The following LTBP1 variants were observed in gnomAD, a reference collection of about 807,000 sequenced individuals.
LTBP1 encodes the protein latent transforming growth factor beta binding protein 1.
A neutral mutation model predicts 207.6 loss-of-function variants in LTBP1; 129 were observed. That is an observed-to-expected ratio of 0.62 (90% CI 0.54 to 0.72). The LOEUF (loss-of-function observed/expected upper bound fraction) is 0.72, where lower values mean the gene tolerates loss of function less well. Among genes scored for constraint, LTBP1 ranks in the 30% least tolerant of loss-of-function variants. The pLI, the probability that LTBP1 is intolerant of heterozygous loss-of-function variation, is 0.00. For synonymous variants in LTBP1, 963 were observed against 833.7 expected, an observed-to-expected ratio of 1.16 and a Z score of -2.67; for missense variants, 2,281 against 2,217.2, an observed-to-expected ratio of 1.03 and a Z score of -0.58.
chr2:33,006,031 T>C, intron 2 of LTBP1, among the ~76,000 whole-genome samples: 1 of 152,140 alleles, frequency 6.6e-6, no homozygotes. Flanking sequence ...CAGAAGCCTG[T>C]CCCTAATCAT....
chr2:32,974,916 C>A (rs941484989), intron 2 of LTBP1, among the ~76,000 whole-genome samples: 1 of 152,136 alleles, frequency 6.6e-6, no homozygotes, highest in Non-Finnish European at 1.5e-5. Flanking sequence ...GATCCTGTCA[C>A]CATGTTGTTA....
chr2:33,397,506 C>CATT (rs2095369516), intron 33 of LTBP1, among the ~76,000 whole-genome samples: 1 of 112,116 alleles, frequency 8.9e-6, no homozygotes, highest in Non-Finnish European at 1.7e-5. Context: ...TACCACAATT[C>CATT]TTTTTTTTTT....
intron 4 of LTBP1, among the ~76,000 whole-genome samples, chr2:33,128,801 C>T (rs541893741): frequency 6.6e-6 from 1 of 152,304 alleles, no homozygotes; most frequent in African/African-American, 2.4e-5. Context: ...CTCTTGCTCC[C>T]CCTTTCTTTT....
intron 5 of LTBP1, among the ~76,000 whole-genome samples, chr2:33,185,053 C>T (rs1205085751): frequency 1.3e-5 from 2 of 152,130 alleles, no homozygotes; most frequent in African/African-American, 4.8e-5. Flanking sequence ...ATGTAGGAAT[C>T]AGGTAGTTGA....
intron 22 of LTBP1, among the ~76,000 whole-genome samples, chr2:33,307,481 A>C (rs758687936): frequency 1.3e-5 from 2 of 152,216 alleles, no homozygotes; most frequent in Non-Finnish European, 2.9e-5. Flanking sequence ...ACTGATACAC[A>C]CAGCAACTTG....
At chr2:33,175,574 A>C (rs1572986143) in intron 5 of LTBP1, among the ~76,000 whole-genome samples, 1 of 152,340 alleles carries the variant, frequency 6.6e-6, no homozygotes, top group East Asian at 1.9e-4. Flanking sequence ...AACTAGTTCA[A>C]CCATTGTGGA....
At chr2:33,305,326 A>T (rs561876817) in intron 22 of LTBP1, among the ~76,000 whole-genome samples, 1 of 151,950 alleles carries the variant, frequency 6.6e-6, no homozygotes, top group South Asian at 2.1e-4. Flanking sequence ...TATGTCTCAA[A>T]ATATATATAT....
chr2:33,010,721 C>CTT lies in LTBP1; in HGVS notation c.566-10172_566-10171dup, dbSNP rs1256189915. ...TGTATCACATTCTAGGATTTTAATC[C>CTT]TTTTTTTTTTTTTTTTTGAGATGGA... is the stretch of plus-strand genomic sequence containing the variant. On this transcript the variant is annotated intron_variant, in intron 2 of 33. Transcript: ENST00000404816. Among the ~76,000 whole-genome samples the CTT allele has an allele frequency of 1.9e-3, 258 of 134,816 alleles. 3 individuals carry two copies. Among genetic ancestry groups the CTT allele is most frequent in the African/African-American group, 5.4e-3 (195 of 36,304 alleles). The allele number at this position is 134,816 out of a possible 152,430, so 88.4% of individuals were successfully genotyped here. A position where few individuals can be genotyped will look rare whatever the true frequency, so the allele number is the denominator to read the frequency against.
rs1364248589 is a variant in LTBP1, at chr2:33,359,209, CT to C, written c.4001-1387del. ...CAACTGGATGAGGGATCTTTATATT[CT>C]CACTGATGCTCTGTGTTCTGAGAGG... On this transcript the variant is annotated intron_variant, in intron 26 of 33. Coordinates refer to ENST00000404816, the MANE Select transcript of LTBP1 (RefSeq NM_206943.4). Among the ~76,000 whole-genome samples, 6 of 152,276 alleles carry C rather than the reference CT, an allele frequency of 3.9e-5. No individual in the cohort carries two copies. The East Asian group carries it at 1.2e-3, about 29-fold the overall frequency.
intron 9 of LTBP1, among the ~76,000 whole-genome samples, chr2:33,225,444 A>G (rs531892429): frequency 6.6e-6 from 1 of 152,334 alleles, no homozygotes; most frequent in Admixed American, 6.5e-5. Context: ...GGGAAGCCTC[A>G]CAATCATGGT....
intron 5 of LTBP1, among the ~76,000 whole-genome samples, chr2:33,164,352 GAAAA>G (rs56916166): frequency 3.5e-5 from 1 of 28,262 alleles, no homozygotes; most frequent in Non-Finnish European, 7.5e-5. Flanking sequence ...TTCCTCTCAG[GAAAA>G]AAAAAAAAAA....
chr2:33,279,671 C>T (rs2093518852), intron 18 of LTBP1, among the ~76,000 whole-genome samples: 1 of 152,158 alleles, frequency 6.6e-6, no homozygotes, highest in Admixed American at 6.5e-5. Context: ...ACATAGCTTC[C>T]TCACACTCAC....
intron 7 of LTBP1, among the ~76,000 whole-genome samples, chr2:33,210,974 T>G (rs1324872003): frequency 6.6e-6 from 1 of 152,230 alleles, no homozygotes; most frequent in Non-Finnish European, 1.5e-5. Context: ...TTTTGAAACC[T>G]GTATCACTTT....
At chr2:33,122,903 C>T (rs1451408699) in intron 4 of LTBP1, among the ~76,000 whole-genome samples, 1 of 152,128 alleles carries the variant, frequency 6.6e-6, no homozygotes, top group African/African-American at 2.4e-5. Context: ...AGATAATGTG[C>T]ACCCCCTTGT....
chr2:33,214,141 T>C (rs2090516068), intron 7 of LTBP1, among the ~76,000 whole-genome samples: 1 of 152,196 alleles, frequency 6.6e-6, no homozygotes, highest in Non-Finnish European at 1.5e-5. Flanking sequence ...CTGCATATGA[T>C]GTGAACTGGT....
At chr2:33,110,480 G>C in intron 3 of LTBP1, 102 bp from the exon 4 acceptor site, 1 of 1,048,564 alleles carries the variant, frequency 9.5e-7, no homozygotes, top group Non-Finnish European at 1.4e-6. Context: ...GCTTGGAATT[G>C]ATGCTCCTTT....
intron 15 of LTBP1, among the ~76,000 whole-genome samples, chr2:33,265,331 A>G (rs2093145503): frequency 6.6e-6 from 1 of 152,198 alleles, no homozygotes; most frequent in East Asian, 1.9e-4. Flanking sequence ...TGACCCAGTA[A>G]TTCTATTTTA....
intron 5 of LTBP1, among the ~76,000 whole-genome samples, chr2:33,161,288 C>T (rs762429908): frequency 4.0e-5 from 5 of 124,322 alleles, no homozygotes; most frequent in Admixed American, 9.9e-5. Context: ...GAGATGGAGT[C>T]TTGCCCTGTC....
chr2:33,057,525 G>T (rs1012231501), intron 3 of LTBP1, among the ~76,000 whole-genome samples: 6 of 152,226 alleles, frequency 3.9e-5, no homozygotes, highest in African/African-American at 1.4e-4. Flanking sequence ...CCACGGTGGG[G>T]TGGGGGAGAC....
Sources: allele counts gnomAD v4.1 joint callset (sites outside exome capture counted in the v4.1 genomes callset), GRCh38; gene constraint gnomAD v4.1.1; transcripts MANE v1.5; gene names NCBI Gene and HGNC (gene_info 2026-07-23, HGNC 2026-07-21).